Variants in C4orf36 observed in about 807,000 individuals in gnomAD.
C4orf36 encodes uncharacterized protein C4orf36.
C4orf36 carries 11 observed loss-of-function variants against 12.2 expected under a neutral mutation model. That is an observed-to-expected ratio of 0.90 (90% CI 0.57 to 1.49). The LOEUF is 1.49. Ranked by LOEUF, C4orf36 falls within the 40% of genes most tolerant of loss-of-function variation. The pLI, the probability that C4orf36 is intolerant of heterozygous loss-of-function variation, is 0.00. For missense variants in C4orf36, 137 were observed against 133.9 expected, an observed-to-expected ratio of 1.02 and a Z score of -0.11; for synonymous variants, 54 against 51.3, an observed-to-expected ratio of 1.05 and a Z score of -0.22.
the C4orf36 span, among the ~76,000 whole-genome samples, chr4:86,926,658 C>T: frequency 3.9e-3 from 601 of 152,278 alleles, 4 homozygotes; most frequent in African/African-American, 0.014. Flanking sequence ...GGGTCATTCT[C>T]AGGGTATGCT....
chr4:86,904,401 C>T, the C4orf36 span, among the ~76,000 whole-genome samples: 5 of 152,170 alleles, frequency 3.3e-5, no homozygotes, highest in South Asian at 8.3e-4. Flanking sequence ...GCGACCAGAG[C>T]GGACGCCAAG....
chr4:86,890,048 CG>C (rs1560473672), intron 2 of C4orf36: 1 of 454,196 alleles, frequency 2.2e-6, no homozygotes, highest in Non-Finnish European at 4.4e-6. Context: ...ACAAACTCAC[CG>C]GGCACAGTGG....
chr4:86,935,452 C>A, the C4orf36 span: 1 of 152,422 alleles, frequency 6.6e-6, no homozygotes, highest in East Asian at 1.9e-4. Flanking sequence ...TACTTGCGAT[C>A]CCGCGGCAGG....
At chr4:86,896,438 TA>T (rs1266894735), upstream of C4orf36, among the ~76,000 whole-genome samples, 1 of 152,248 alleles carries the variant, frequency 6.6e-6, no homozygotes, top group East Asian at 1.9e-4. Flanking sequence ...TTCTAATGAC[TA>T]TTATAAAACT....
the C4orf36 span, among the ~76,000 whole-genome samples, chr4:86,928,090 TTC>T: frequency 6.6e-6 from 1 of 152,228 alleles, no homozygotes; most frequent in Admixed American, 6.5e-5. Flanking sequence ...TGCTCAATCT[TTC>T]TGATTCGTAG....
At chr4:86,916,365 C>CAAA in the C4orf36 span, among the ~76,000 whole-genome samples, 9 of 95,860 alleles carry the variant, frequency 9.4e-5, no homozygotes, top group South Asian at 1.7e-3. Flanking sequence ...TATGTGGATG[C>CAAA]AAAAAAAAAA....
At chr4:86,877,636 T>C (rs1746957439) in intron 4 of C4orf36, among the ~76,000 whole-genome samples, 1 of 152,204 alleles carries the variant, frequency 6.6e-6, no homozygotes, top group Non-Finnish European at 1.5e-5. Flanking sequence ...GTCACTCACA[T>C]CAAAACTCCT....
At chr4:86,881,408 GA>G (rs886618566) in intron 4 of C4orf36, among the ~76,000 whole-genome samples, 4 of 152,048 alleles carry the variant, frequency 2.6e-5, no homozygotes, top group Non-Finnish European at 5.9e-5. Context: ...GCTATCTCCT[GA>G]TTTTTAAAAA....
chr4:86,913,668 A>G, the C4orf36 span: 3 of 1,600,202 alleles, frequency 1.9e-6, no homozygotes, highest in Non-Finnish European at 2.6e-6. Flanking sequence ...AGCAACAGAC[A>G]TGGTGCTGTT....
At chr4:86,898,501 C>A in the C4orf36 span, among the ~76,000 whole-genome samples, 1 of 151,802 alleles carries the variant, frequency 6.6e-6, no homozygotes, top group Non-Finnish European at 1.5e-5. Context: ...AGTTCGAGAC[C>A]AGGCTGGGCA....
chr4:86,878,272 A>G (rs145000037), intron 4 of C4orf36, among the ~76,000 whole-genome samples: 3,327 of 152,262 alleles, frequency 0.022, 54 homozygotes, highest in Non-Finnish European at 0.035. Context: ...CACTCCCTGT[A>G]TGGCTTCACT....
At chr4:86,887,279 T>C (rs558567084) in intron 4 of C4orf36, 2 of 151,796 alleles carry the variant, frequency 1.3e-5, no homozygotes, top group African/African-American at 2.4e-5. Flanking sequence ...TATATATATT[T>C]AAAAAAAAGA....
chr4:86,933,826 C>A, the C4orf36 span, among the ~76,000 whole-genome samples: 1 of 152,232 alleles, frequency 6.6e-6, no homozygotes, highest in African/African-American at 2.4e-5. Context: ...CACCAGGTTT[C>A]ATCAGGGACA....
the C4orf36 span, among the ~76,000 whole-genome samples, chr4:86,902,430 A>G: frequency 6.6e-6 from 1 of 150,864 alleles, no homozygotes; most frequent in Admixed American, 6.6e-5. Context: ...AAAAAAAAAA[A>G]AAAAAAAAAA....
chr4:86,898,870 G>T, the C4orf36 span, among the ~76,000 whole-genome samples: 1 of 152,142 alleles, frequency 6.6e-6, no homozygotes, highest in African/African-American at 2.4e-5. Context: ...CTCTTCCTGA[G>T]GAAATGGAGG....
At chr4:86,887,962 A>G (rs1465412434) in intron 3 of C4orf36, 69 bp from the exon 4 acceptor site, 8 of 1,591,798 alleles carry the variant, frequency 5.0e-6, no homozygotes, top group Middle Eastern at 3.3e-4. Flanking sequence ...TCAAAACTGA[A>G]TATCATACAG....
At chr4:86,877,994 G>A (rs1053177334) in intron 4 of C4orf36, among the ~76,000 whole-genome samples, 1 of 152,132 alleles carries the variant, frequency 6.6e-6, no homozygotes, top group Non-Finnish European at 1.5e-5. Flanking sequence ...ATAAGTGCTG[G>A]AGCAAGGTGA....
chr4:86,903,025 G>A, the C4orf36 span, among the ~76,000 whole-genome samples: 1 of 152,314 alleles, frequency 6.6e-6, no homozygotes, highest in African/African-American at 2.4e-5. Context: ...CTTGCAGGCA[G>A]TGTTCTATTT....
At chr4:86,889,774 G>A (rs1270752940) in intron 2 of C4orf36, among the ~76,000 whole-genome samples, 1 of 152,084 alleles carries the variant, frequency 6.6e-6, no homozygotes, top group African/African-American at 2.4e-5. Context: ...AAAATTAGCC[G>A]AATGTGGTGG....
Sources: allele counts gnomAD v4.1 joint callset (sites outside exome capture counted in the v4.1 genomes callset), GRCh38; gene constraint gnomAD v4.1.1; transcripts MANE v1.5; gene names NCBI Gene and HGNC (gene_info 2026-07-23, HGNC 2026-07-21).